Variants in ARID5A observed in about 807,000 individuals in gnomAD.
ARID5A encodes AT-rich interactive domain-containing protein 5A.
A neutral mutation model predicts 30.5 loss-of-function variants in ARID5A; 14 were observed. That is an observed-to-expected ratio of 0.46 (90% confidence interval 0.30 to 0.72). The LOEUF (loss-of-function observed/expected upper bound fraction) is 0.72, where lower values mean the gene tolerates loss of function less well. ARID5A is among the 30% of genes least tolerant of loss of function. The pLI, the probability that ARID5A is intolerant of heterozygous loss-of-function variation, is 0.07. For missense variants in ARID5A, 669 were observed against 786.2 expected (o/e 0.85, Z 1.78); for synonymous variants, 338 against 340.4 (o/e 0.99, Z 0.08).
chr2:96,541,571 G>T (rs2065845896), intron 1 of ARID5A, among the ~76,000 whole-genome samples: 1 of 152,166 alleles, frequency 6.6e-6, no homozygotes, highest in Non-Finnish European at 1.5e-5. Context: ...GGAGGAGGAG[G>T]CTACTCACTG....
chr2:96,545,156 C>CTTTTTTT (rs35156624), intron 1 of ARID5A, among the ~76,000 whole-genome samples: 106 of 116,284 alleles, frequency 9.1e-4, no homozygotes, highest in Middle Eastern at 4.6e-3. Flanking sequence ...TTTTCTTTTT[C>CTTTTTTT]TTTTTTTTTT....
chr2:96,540,841 G>A (rs942576082), intron 1 of ARID5A, among the ~76,000 whole-genome samples: 1 of 152,176 alleles, frequency 6.6e-6, no homozygotes, highest in Non-Finnish European at 1.5e-5. Context: ...CACCTCCTGG[G>A]TTCAAGCAAT....
Position 96,551,376 on chromosome 2 carries a change from G to C in ARID5A, c.848G>C (p.Gly283Ala). ...LQCQEEGCRH[G>A]AEPQASPAVH... is the part of the protein sequence containing the mutation. The stretch of plus-strand genomic sequence containing the variant: ...TGCCAGGAGGAGGGCTGCCGCCATG[G>C]GGCAGAGCCCCAGGCGTCCCCAGCT... The change falls in exon 7 of 7, where the codon GGG becomes GCG. Residue 283 changes from glycine to alanine, a missense_variant. Coordinates refer to ENST00000357485, the MANE Select transcript of ARID5A (RefSeq NM_212481.3). 6.2e-7 allele frequency: 1 copy of C among 1,611,986 alleles called. No homozygotes were observed. Among genetic ancestry groups the C allele is most frequent in the Non-Finnish European group, 8.5e-7 (1 of 1,179,612 alleles).
chr2:96,542,180 A>C (rs987909158), intron 1 of ARID5A, among the ~76,000 whole-genome samples: 7 of 152,214 alleles, frequency 4.6e-5, no homozygotes, highest in African/African-American at 1.7e-4. Context: ...AGCCAGGGAC[A>C]AGACAGAGGG....
intron 1 of ARID5A, among the ~76,000 whole-genome samples, chr2:96,546,426 T>A (rs967602256): frequency 1.3e-5 from 2 of 152,242 alleles, no homozygotes; most frequent in Non-Finnish European, 2.9e-5. Context: ...GTGTTGCGTT[T>A]TTGCAACCAT....
intron 1 of ARID5A, chr2:96,538,077 C>G: frequency 3.0e-6 from 3 of 985,492 alleles, no homozygotes; most frequent in Non-Finnish European, 3.6e-6. Context: ...CCAATCCAGG[C>G]CTTAGGGACC....
chr2:96,551,067 C>A (rs1005475734), intron 6 of ARID5A, 32 bp from the exon 7 acceptor site: 1 of 1,583,886 alleles, frequency 6.3e-7, no homozygotes. Flanking sequence ...GGGGCTGAGG[C>A]AGTCCTGAGG....
Position 96,551,880 on chromosome 2 carries a change from G to A in ARID5A, c.1352G>A (p.Gly451Asp), listed in dbSNP as rs1163373729. The change falls in exon 7 of 7, where the codon GGT becomes GAT. Residue 451 changes from glycine (G) to aspartate (D), a missense_variant. This residue lies in a region of ARID5A where 548 missense variants were observed against 577.4 expected (regional missense o/e 0.95). Coordinates refer to ENST00000357485, the MANE Select transcript of ARID5A (RefSeq NM_212481.3). ...LGSKRSLEEEGAAHSGKRLRA... is the reference protein window; with the variant it reads ...LGSKRSLEEEDAAHSGKRLRA... The stretch of plus-strand genomic sequence containing the variant: ...AGCAAGCGCAGCCTGGAGGAAGAGG[G>A]TGCTGCCCACAGTGGGAAGAGACTG... 1.9e-6 allele frequency: 3 copies of A among 1,571,074 alleles called. No homozygotes were observed. The South Asian group carries it at 3.5e-5, about 18-fold the overall frequency.
chr2:96,540,853 C>A (rs745376103), intron 1 of ARID5A, among the ~76,000 whole-genome samples: 9 of 152,080 alleles, frequency 5.9e-5, no homozygotes, highest in Non-Finnish European at 1.3e-4. Flanking sequence ...TCAAGCAATT[C>A]TCCTGCCTCA....
rs982924159 is a variant in ARID5A, at chr2:96,549,746, C to G, written c.260-7C>G. On this transcript the variant is annotated splice_region_variant and splice_polypyrimidine_tract_variant and intron_variant, in intron 3 of 6. Coordinates refer to ENST00000357485, the MANE Select transcript of ARID5A (RefSeq NM_212481.3). The surrounding 1 kb of genome is among the most constrained non-coding windows in gnomAD (Gnocchi z 6.1). The stretch of plus-strand genomic sequence containing the variant: ...ACTGACGGCCAGCCTGCTCTTCTCT[C>G]CCCCAGTTAACCTGTGGAAGATCTA... 6.2e-7 allele frequency: 1 copy of G among 1,613,938 alleles called. No homozygotes were observed.
intron 2 of ARID5A, among the ~76,000 whole-genome samples, chr2:96,548,191 C>T (rs980149420): frequency 6.6e-6 from 1 of 152,056 alleles, no homozygotes; most frequent in African/African-American, 2.4e-5. Flanking sequence ...GTCTTTAATA[C>T]CTTAAAAACA....
Position 96,551,540 on chromosome 2 carries a change from C to G in ARID5A, c.1012C>G (p.Pro338Ala), listed in dbSNP as rs1470165570. 3.1e-6 allele frequency: 5 copies of G among 1,606,568 alleles called. No homozygotes were observed. Among genetic ancestry groups the G allele is most frequent in the Non-Finnish European group, 4.2e-6 (5 of 1,177,262 alleles). Residue 338 changes from proline to alanine, a missense_variant, in exon 7 of 7, where the codon CCC (proline) becomes GCC (alanine). This residue lies in a region of ARID5A where 548 missense variants were observed against 577.4 expected (regional missense o/e 0.95). Transcript: ENST00000357485. Reference protein sequence around the residue: ...EAQAGPCPAAPIFKGCFYTHP... With the variant: ...EAQAGPCPAAAIFKGCFYTHP... ...GCAGGCAGGCCCCTGCCCGGCAGCC[C>G]CCATCTTCAAGGGCTGCTTCTACAC...
At chr2:96,543,753 G>C (rs796872470) in intron 1 of ARID5A, among the ~76,000 whole-genome samples, 1 of 152,098 alleles carries the variant, frequency 6.6e-6, no homozygotes, top group African/African-American at 2.4e-5. Context: ...TCCTACAATG[G>C]TCTTTAAGTG....
Position 96,536,774 on chromosome 2 carries a change from G to T in ARID5A, c.-53G>T, listed in dbSNP as rs1328360707. 1 of 1,219,228 alleles carries T rather than the reference G, an allele frequency of 8.2e-7. No individual in the cohort carries two copies. The highest frequency in any genetic ancestry group is 3.2e-5 in the East Asian group (1 of 30,862). The allele number at this position is 1,219,228 out of a possible 1,614,324, so 75.5% of individuals were successfully genotyped here. On this transcript the variant is annotated 5_prime_UTR_variant, in exon 1 of 7. Coordinates refer to ENST00000357485, the MANE Select transcript of ARID5A (RefSeq NM_212481.3). Reference sequence around the variant, plus strand: ...AGTATCTCAGAGAGCGCGGGGTCCGGACAGCCGCGCGCTGAGGGTCTCGGG... The same window carrying T: ...AGTATCTCAGAGAGCGCGGGGTCCGTACAGCCGCGCGCTGAGGGTCTCGGG...
rs756878805 is a variant in ARID5A at position 96,551,217 on chromosome 2, T to A, written c.689T>A (p.Val230Glu). ...GLASGSSVSF[V>E]GASGCPEAYK... Reference sequence around the variant, plus strand: ...GCCTCTGGGTCTTCTGTGTCCTTTGTGGGTGCCAGCGGCTGTCCTGAGGCC... The same window carrying A: ...GCCTCTGGGTCTTCTGTGTCCTTTGAGGGTGCCAGCGGCTGTCCTGAGGCC... Residue 230 changes from valine (V) to glutamate (E), a missense_variant, in exon 7 of 7, where the codon GTG (valine) becomes GAG (glutamate). Physicochemically the swap from Val to Glu is moderately radical, Grantham distance 121. Around this residue, in one of 4 missense-constraint regions of ARID5A, gnomAD observed 548 missense variants for 577.4 expected, o/e 0.95. Coordinates refer to ENST00000357485, the MANE Select transcript of ARID5A (RefSeq NM_212481.3). 66 of 1,613,910 alleles carry A rather than the reference T, an allele frequency of 4.1e-5. No homozygotes were observed. Among genetic ancestry groups the A allele is most frequent in the Admixed American group, 1.3e-4 (8 of 60,016 alleles).
At position 96,537,155 on chromosome 2, in the gene ARID5A, G is replaced by A. The variant is rs1175387523; in HGVS notation, c.4+325G>A. 1.3e-5 allele frequency among the ~76,000 whole-genome samples: 2 copies of A among 152,288 alleles called. No homozygotes were observed. The highest frequency in any genetic ancestry group is 2.4e-5 in the African/African-American group (1 of 41,574). On this transcript the variant is annotated intron_variant, in intron 1 of 6. Transcript: ENST00000357485. This position sits in a 1 kb window ranked among gnomAD's most constrained non-coding sequence, Gnocchi z 4.8. ...CGCCGTCTCTTGCCTGAAATATGCC[G>A]AGCCCGGTACGGCTCTGTCGTCCCA...
At chr2:96,540,581 A>G (rs2065827771) in intron 1 of ARID5A, among the ~76,000 whole-genome samples, 1 of 152,262 alleles carries the variant, frequency 6.6e-6, no homozygotes. Context: ...CCAAGAAAGC[A>G]CAGGGGCTTT....
Position 96,551,913 on chromosome 2 carries a change from T to A in ARID5A, c.1385T>A (p.Val462Glu). ...AAHSGKRLRA[V>E]SPFLKEADAK... ...CACAGTGGGAAGAGACTGCGGGCCG[T>A]GTCTCCCTTTCTTAAGGAGGCGGAT... Residue 462 changes from valine to glutamate, a missense_variant, in exon 7 of 7, where the codon GTG (valine) becomes GAG (glutamate). Around this residue, in one of 4 missense-constraint regions of ARID5A, gnomAD observed 548 missense variants for 577.4 expected, o/e 0.95. Transcript: ENST00000357485. 3 of 1,532,404 alleles carry A rather than the reference T, an allele frequency of 2.0e-6. No homozygotes were observed. Among genetic ancestry groups the A allele is most frequent in the Non-Finnish European group, 2.6e-6 (3 of 1,141,272 alleles). 94.9% of individuals were successfully genotyped at this position (1,532,404 alleles called of 1,614,324 possible).
chr2:96,544,694 G>A (rs1014637709), intron 1 of ARID5A, among the ~76,000 whole-genome samples: 2 of 152,200 alleles, frequency 1.3e-5, no homozygotes, highest in Non-Finnish European at 2.9e-5. Context: ...GCTGCATGTT[G>A]TTTTCATGCC....
Sources: allele counts gnomAD v4.1 joint callset (sites outside exome capture counted in the v4.1 genomes callset), GRCh38; gene constraint gnomAD v4.1.1; regional missense constraint gnomAD v4.1.1; non-coding constraint Gnocchi (gnomAD v3.1); transcripts MANE v1.5; gene names NCBI Gene and HGNC (gene_info 2026-07-23, HGNC 2026-07-21).